Variants in TRIM71 observed in about 807,000 individuals in gnomAD.
TRIM71 encodes tripartite motif containing 71.
A neutral mutation model predicts 61.2 loss-of-function variants in TRIM71; 9 were observed. The ratio of observed to expected loss-of-function variants is 0.15; its 90% CI spans 0.09 to 0.26. TRIM71 has a LOEUF of 0.26. Among genes scored for constraint, TRIM71 ranks in the 10% least tolerant of loss-of-function variants. TRIM71 has a pLI of 1.00. For missense variants in TRIM71, 998 were observed against 1,238.7 expected (o/e 0.81, Z 2.92); for synonymous variants, 645 against 553.2 (o/e 1.17, Z -2.33).
At chr3:32,848,616 TA>T (rs1696503966) in intron 1 of TRIM71, among the ~76,000 whole-genome samples, 1 of 152,250 alleles carries the variant, frequency 6.6e-6, no homozygotes. Flanking sequence ...AAAATACCCC[TA>T]GTTTTGTCTA....
chr3:32,846,047 G>T (rs1049380100), intron 1 of TRIM71, among the ~76,000 whole-genome samples: 46 of 148,094 alleles, frequency 3.1e-4, no homozygotes, highest in Non-Finnish European at 2.7e-4. Context: ...TATGTTTTTG[G>T]ATGGGAAACT....
intron 2 of TRIM71, among the ~76,000 whole-genome samples, chr3:32,882,049 C>T (rs1293341483): frequency 2.0e-5 from 3 of 152,062 alleles, no homozygotes; most frequent in African/African-American, 4.8e-5. Flanking sequence ...GAGGGATAAG[C>T]GATAAGCCTG....
At chr3:32,864,309 A>T (rs1342764169) in intron 1 of TRIM71, among the ~76,000 whole-genome samples, 1 of 152,204 alleles carries the variant, frequency 6.6e-6, no homozygotes, top group African/African-American at 2.4e-5. Context: ...GTGTAGTGTA[A>T]CTTGGATCTG....
intron 1 of TRIM71, among the ~76,000 whole-genome samples, chr3:32,868,666 CAATT>C (rs907046594): frequency 1.4e-5 from 2 of 142,236 alleles, no homozygotes; most frequent in Admixed American, 6.9e-5. Context: ...AAAGTGGAGA[CAATT>C]GAGTGAGACA....
intron 1 of TRIM71, among the ~76,000 whole-genome samples, chr3:32,846,774 A>C (rs933752331): frequency 6.6e-6 from 1 of 151,736 alleles, no homozygotes; most frequent in African/African-American, 2.4e-5. Flanking sequence ...TATATAAGTG[A>C]CATCATGTGG....
At chr3:32,822,946 A>G (rs4909039) in intron 1 of TRIM71, among the ~76,000 whole-genome samples, 1 of 151,940 alleles carries the variant, frequency 6.6e-6, no homozygotes, top group African/African-American at 2.4e-5. Context: ...TTTAAAAAAA[A>G]TTTTTTTAAA....
intron 1 of TRIM71, among the ~76,000 whole-genome samples, chr3:32,827,749 T>C (rs987996454): frequency 1.3e-5 from 2 of 152,174 alleles, no homozygotes; most frequent in African/African-American, 4.8e-5. Flanking sequence ...CAGGGGCCCT[T>C]GAATGGACCT....
At chr3:32,876,731 A>T (rs960738803) in intron 2 of TRIM71, among the ~76,000 whole-genome samples, 5 of 152,204 alleles carry the variant, frequency 3.3e-5, no homozygotes, top group Admixed American at 6.5e-5. Context: ...CTCTGTGCTT[A>T]GTGGGAAAAG....
chr3:32,849,201 A>C (rs1696510803), intron 1 of TRIM71, among the ~76,000 whole-genome samples: 1 of 152,162 alleles, frequency 6.6e-6, no homozygotes, highest in African/African-American at 2.4e-5. Flanking sequence ...AGTCTTGTGG[A>C]GCTACTACTT....
intron 2 of TRIM71, among the ~76,000 whole-genome samples, chr3:32,884,262 T>C (rs923365038): frequency 1.3e-5 from 2 of 152,072 alleles, no homozygotes. Flanking sequence ...CCATGGGTGT[T>C]TTTGGGGCTG....
rs1364718319 is a variant in TRIM71, at chr3:32,894,339, C to A, written c.*2528C>A. 1 of 152,154 alleles carries A rather than the reference C, an allele frequency of 6.6e-6. No homozygotes were observed. Among genetic ancestry groups the A allele is most frequent in the African/African-American group, 2.4e-5 (1 of 41,426 alleles). The allele number at this position is 152,154 out of a possible 1,614,324, so 9.4% of individuals were successfully genotyped here. ...TTTTGGGACCTGAATGAGAAATGTTCTTGGTGCATAACAGTAACTAGAGCT... is the reference window on the plus strand; with the variant it reads ...TTTTGGGACCTGAATGAGAAATGTTATTGGTGCATAACAGTAACTAGAGCT... On this transcript the variant is annotated 3_prime_UTR_variant, in exon 4 of 4. Coordinates refer to ENST00000383763, the MANE Select transcript of TRIM71 (RefSeq NM_001039111.3).
chr3:32,837,650 C>A (rs955772597), intron 1 of TRIM71, among the ~76,000 whole-genome samples: 5 of 151,956 alleles, frequency 3.3e-5, no homozygotes, highest in African/African-American at 1.2e-4. Flanking sequence ...AAACCCCCTC[C>A]CTACTAAAAA....
intron 1 of TRIM71, among the ~76,000 whole-genome samples, chr3:32,872,690 A>G (rs1696809127): frequency 6.6e-6 from 1 of 152,180 alleles, no homozygotes; most frequent in Non-Finnish European, 1.5e-5. Flanking sequence ...AGCTGGTGTC[A>G]TACCTGTGTT....
At chr3:32,864,087 T>C (rs979384197) in intron 1 of TRIM71, among the ~76,000 whole-genome samples, 1 of 151,988 alleles carries the variant, frequency 6.6e-6, no homozygotes, top group African/African-American at 2.4e-5. Flanking sequence ...GACTGATTGA[T>C]TGAGGCAGGG....
intron 1 of TRIM71, among the ~76,000 whole-genome samples, chr3:32,855,256 A>C (rs1696582854): frequency 6.6e-6 from 1 of 152,152 alleles, no homozygotes; most frequent in Admixed American, 6.5e-5. Context: ...TCAGGGATTG[A>C]AAAGGGCTTT....
chr3:32,896,517 C>G lies in TRIM71; in HGVS notation c.*4706C>G, dbSNP rs1044509851. 2 of 152,068 alleles carry G rather than the reference C, an allele frequency of 1.3e-5. No individual in the cohort carries two copies. The highest frequency in any genetic ancestry group is 4.8e-5 in the African/African-American group (2 of 41,410). 9.4% of individuals were successfully genotyped at this position (152,068 alleles called of 1,614,324 possible). ...TACCAGGATATACTGTATTGACCCT[C>G]CCACCTCTCTTCTGCCCTAATTTTT... On this transcript the variant is annotated 3_prime_UTR_variant, in exon 4 of 4. Coordinates refer to ENST00000383763, the MANE Select transcript of TRIM71 (RefSeq NM_001039111.3).
At chr3:32,819,518 C>CT (rs547753905) in intron 1 of TRIM71, among the ~76,000 whole-genome samples, 366 of 152,304 alleles carry the variant, frequency 2.4e-3, no homozygotes, top group Non-Finnish European at 4.1e-3. Flanking sequence ...TCCTTGCCTC[C>CT]TTATGTTGGG....
intron 1 of TRIM71, among the ~76,000 whole-genome samples, chr3:32,866,351 C>G (rs1696736626): frequency 6.6e-6 from 1 of 151,762 alleles, no homozygotes; most frequent in Non-Finnish European, 1.5e-5. Context: ...TGGGTTCAAT[C>G]TATTCTGCCT....
intron 1 of TRIM71, among the ~76,000 whole-genome samples, chr3:32,823,691 T>G (rs1696165558): frequency 6.6e-6 from 1 of 150,852 alleles, no homozygotes; most frequent in South Asian, 2.1e-4. Context: ...AGGCGGAGGT[T>G]GCAGTGAGCC....
Sources: allele counts gnomAD v4.1 joint callset (sites outside exome capture counted in the v4.1 genomes callset), GRCh38; gene constraint gnomAD v4.1.1; transcripts MANE v1.5; gene names NCBI Gene and HGNC (gene_info 2026-07-23, HGNC 2026-07-21).